The following PPP1R12A variants were observed in gnomAD, a reference collection of about 807,000 sequenced individuals.
The protein encoded by PPP1R12A is protein phosphatase 1 regulatory subunit 12A.
PPP1R12A carries 19 observed loss-of-function variants against 139.6 expected under a neutral mutation model. The ratio of observed to expected loss-of-function variants is 0.14; its 90% CI spans 0.09 to 0.20. PPP1R12A has a LOEUF of 0.20. PPP1R12A is among the 10% of genes least tolerant of loss of function. The pLI, the probability that PPP1R12A is intolerant of heterozygous loss-of-function variation, is 1.00. For synonymous variants in PPP1R12A, 427 were observed against 420.6 expected, an observed-to-expected ratio of 1.02 and a Z score of -0.19; for missense variants, 925 against 1,211.5, an observed-to-expected ratio of 0.76 and a Z score of 3.51.
At chr12:79,855,059 G>A (rs1323316681) in intron 2 of PPP1R12A, among the ~76,000 whole-genome samples, 2 of 151,940 alleles carry the variant, frequency 1.3e-5, no homozygotes, top group South Asian at 2.1e-4. Flanking sequence ...CGCTATCTCC[G>A]CTCACTGTAA....
intron 18 of PPP1R12A, 65 bp from the exon 19 acceptor site, chr12:79,793,993 A>G: frequency 1.6e-6 from 2 of 1,256,778 alleles, no homozygotes; most frequent in Non-Finnish European, 2.2e-6. Context: ...TTTATTTTTT[A>G]AAATTATTTT....
At chr12:79,858,311 C>T (rs758734444) in intron 2 of PPP1R12A, among the ~76,000 whole-genome samples, 12 of 152,172 alleles carry the variant, frequency 7.9e-5, no homozygotes, top group Non-Finnish European at 1.2e-4. Context: ...CTATTTTTCA[C>T]TGAAAAGTGG....
chr12:79,813,048 A>G (rs1874808329), intron 9 of PPP1R12A, among the ~76,000 whole-genome samples: 1 of 152,204 alleles, frequency 6.6e-6, no homozygotes, highest in Admixed American at 6.5e-5. Context: ...ATAATATTCT[A>G]TAAAGAATAA....
At chr12:79,930,393 A>G (rs1441353302) in intron 1 of PPP1R12A, among the ~76,000 whole-genome samples, 1 of 152,218 alleles carries the variant, frequency 6.6e-6, no homozygotes, top group African/African-American at 2.4e-5. Context: ...CTGTTCAAAG[A>G]TTAATATGAC....
chr12:79,795,870 G>C (rs1364442758), intron 17 of PPP1R12A, 111 bp from the exon 18 acceptor site: 2 of 977,602 alleles, frequency 2.0e-6, no homozygotes, highest in African/African-American at 3.4e-5. Context: ...TAGGGGGATG[G>C]AAGGTAGGCA....
chr12:79,908,508 C>G (rs1202811488), intron 1 of PPP1R12A, among the ~76,000 whole-genome samples: 1 of 152,120 alleles, frequency 6.6e-6, no homozygotes, highest in Non-Finnish European at 1.5e-5. Flanking sequence ...AACTTGGAAT[C>G]AGATTATCCA....
At chr12:79,845,448 G>A (rs1342215331) in intron 2 of PPP1R12A, 28 bp from the exon 3 acceptor site, 11 of 1,480,524 alleles carry the variant, frequency 7.4e-6, no homozygotes, top group Non-Finnish European at 1.0e-5. Flanking sequence ...AAATAGTTAA[G>A]CAAAAGATAT....
chr12:79,914,911 T>C (rs1482082001), intron 1 of PPP1R12A, among the ~76,000 whole-genome samples: 1 of 152,024 alleles, frequency 6.6e-6, no homozygotes, highest in Non-Finnish European at 1.5e-5. Flanking sequence ...CTTAGAGAAC[T>C]TCTTGAGTTG....
intron 5 of PPP1R12A, among the ~76,000 whole-genome samples, chr12:79,826,785 A>G (rs1045692641): frequency 2.6e-5 from 4 of 152,184 alleles, no homozygotes; most frequent in Non-Finnish European, 5.9e-5. Flanking sequence ...TCAGTAGGGG[A>G]AACACACCAT....
At chr12:79,812,067 A>T (rs759830590) in intron 9 of PPP1R12A, among the ~76,000 whole-genome samples, 2 of 152,158 alleles carry the variant, frequency 1.3e-5, no homozygotes, top group Admixed American at 6.6e-5. Flanking sequence ...ATAATTACCC[A>T]ATGAAATACT....
intron 1 of PPP1R12A, among the ~76,000 whole-genome samples, chr12:79,885,795 T>A: frequency 6.6e-6 from 1 of 152,184 alleles, no homozygotes; most frequent in Non-Finnish European, 1.5e-5. Context: ...ATAGGCAAAT[T>A]AGTTTGAATT....
At chr12:79,828,001 T>C (rs1441062754) in intron 5 of PPP1R12A, 1 of 165,378 alleles carries the variant, frequency 6.0e-6, no homozygotes, top group Non-Finnish European at 1.3e-5. Context: ...GAATGCAACG[T>C]TTTCTTAGCT....
intron 1 of PPP1R12A, among the ~76,000 whole-genome samples, chr12:79,878,903 T>TA (rs553900568): frequency 1.2e-3 from 178 of 152,254 alleles, no homozygotes; most frequent in African/African-American, 4.2e-3. Context: ...TCAACTTTAC[T>TA]AAAAAAATTC....
chr12:79,879,304 T>C lies in PPP1R12A; in HGVS notation c.238-6366A>G, dbSNP rs541619998. 2.0e-4 allele frequency among the ~76,000 whole-genome samples: 31 copies of C among 151,664 alleles called. No homozygotes were observed. The Middle Eastern group carries it at 0.01, about 50-fold the overall frequency. The stretch of plus-strand genomic sequence containing the variant: ...ATCGCTTGAACCTGGGAGGCGGAGG[T>C]TGCAGTGAGCCAAGATCACGCTACT... On this transcript the variant is annotated intron_variant, in intron 1 of 24. Coordinates refer to ENST00000450142, the MANE Select transcript of PPP1R12A (RefSeq NM_002480.3).
chr12:79,889,530 T>A (rs1035595962), intron 1 of PPP1R12A, among the ~76,000 whole-genome samples: 2 of 152,212 alleles, frequency 1.3e-5, no homozygotes, highest in Admixed American at 6.5e-5. Context: ...TGTATCTTTA[T>A]CTGGTTTACA....
intron 2 of PPP1R12A, among the ~76,000 whole-genome samples, chr12:79,867,973 A>C (rs1565787625): frequency 6.6e-6 from 1 of 152,194 alleles, no homozygotes; most frequent in Non-Finnish European, 1.5e-5. Context: ...GTTCCTTTAT[A>C]AATTACCCAG....
intron 1 of PPP1R12A, among the ~76,000 whole-genome samples, chr12:79,882,703 G>A (rs1350100211): frequency 6.6e-6 from 1 of 152,294 alleles, no homozygotes; most frequent in East Asian, 1.9e-4. Context: ...CTATCAAACA[G>A]CATCATATAC....
Position 79,798,573 on chromosome 12 carries a change from G to A in PPP1R12A, c.2012C>T (p.Thr671Ile), listed in dbSNP as rs1872733127. Reference sequence around the variant, plus strand: ...TTCAGACTCTTCATCCCTAACAGGAGTGAGGTATGATCTACAGTAGTAAAT... The same window carrying A: ...TTCAGACTCTTCATCCCTAACAGGAATGAGGTATGATCTACAGTAGTAAAT... Reference protein sequence around the residue: ...EVRERRRSYLTPVRDEESESQ... With the variant: ...EVRERRRSYLIPVRDEESESQ... The change falls in exon 15 of 25, where the codon ACT becomes ATT. Residue 671 changes from threonine to isoleucine, a missense_variant. Physicochemically the swap from Thr to Ile is moderately conservative, Grantham distance 89. Coordinates refer to ENST00000450142, the MANE Select transcript of PPP1R12A (RefSeq NM_002480.3). The A allele has an allele frequency of 1.3e-6, 2 of 1,557,776 alleles. No homozygotes were observed. The highest frequency in any genetic ancestry group is 4.6e-5 in the East Asian group (2 of 43,026).
chr12:79,830,747 T>C (rs1484242030), intron 4 of PPP1R12A, among the ~76,000 whole-genome samples: 3 of 152,184 alleles, frequency 2.0e-5, no homozygotes. Flanking sequence ...ATTCAAAGGA[T>C]AGAGCAGAAT....
Sources: gnomAD v4.1 joint callset for allele counts (sites outside exome capture counted in the v4.1 genomes callset) on GRCh38, gnomAD v4.1.1 for gene constraint, MANE v1.5 for transcripts, NCBI Gene and HGNC (gene_info 2026-07-23, HGNC 2026-07-21) for gene names.